The following NAV1 variants were observed in gnomAD, a reference collection of about 807,000 sequenced individuals.
The protein encoded by NAV1 is neuron navigator 1, also known as pore membrane and/or filament interacting like protein 3.
A neutral mutation model predicts 175.2 loss-of-function variants in NAV1; 18 were observed. The ratio of observed to expected loss-of-function variants is 0.10; its 90% CI spans 0.07 to 0.15. The LOEUF (loss-of-function observed/expected upper bound fraction) is 0.15. NAV1 is among the 10% of genes least tolerant of loss of function. NAV1 has a pLI of 1.00. For synonymous variants in NAV1, 897 were observed against 978.7 expected, an observed-to-expected ratio of 0.92 and a Z score of 1.56; for missense variants, 1,731 against 2,436.6, an observed-to-expected ratio of 0.71 and a Z score of 6.10.
chr1:201,813,295 G>A lies in NAV1; in HGVS notation c.5340+37G>A. 7.5e-7 allele frequency: 1 copy of A among 1,338,988 alleles called. No homozygotes were observed. Among genetic ancestry groups the A allele is most frequent in the Non-Finnish European group, 1.1e-6 (1 of 936,028 alleles). 82.9% of individuals were successfully genotyped at this position (1,338,988 alleles called of 1,614,324 possible). On this transcript the variant is annotated intron_variant, in intron 28 of 29. Coordinates refer to ENST00000367296, the Ensembl canonical transcript of NAV1. The surrounding 1 kb of genome is among the most constrained non-coding windows in gnomAD (Gnocchi z 4.2). ...CCCCTTCACTCAAACCCTAAGATCA[G>A]GCTGTCCTACCTAACAAAGTAGGAA... is the stretch of plus-strand genomic sequence containing the variant.
intron 5 of NAV1, among the ~76,000 whole-genome samples, chr1:201,781,524 G>T (rs951202247): frequency 2.6e-5 from 4 of 152,184 alleles, no homozygotes; most frequent in Admixed American, 6.5e-5. Context: ...AACTCAAAGA[G>T]ATTAAGTGGC....
At chr1:201,630,493 C>A (rs1302209546) in intron 2 of NAV1, among the ~76,000 whole-genome samples, 1 of 152,234 alleles carries the variant, frequency 6.6e-6, no homozygotes, top group Non-Finnish European at 1.5e-5. Context: ...CTTCTCTGTG[C>A]CCTGCTGGGC....
chr1:201,642,560 C>CTTTCTTTCTTTCTTT (rs1491393436), intron 2 of NAV1, among the ~76,000 whole-genome samples: 2 of 32,912 alleles, frequency 6.1e-5, no homozygotes, highest in South Asian at 1.6e-3. Context: ...TTTCTTTTTT[C>CTTTCTTTCTTTCTTT]CCTTTCTTCC....
At chr1:201,757,368 C>T (rs999583794) in intron 3 of NAV1, among the ~76,000 whole-genome samples, 5 of 152,070 alleles carry the variant, frequency 3.3e-5, no homozygotes, top group Non-Finnish European at 5.9e-5. Context: ...CTTCTGGGCT[C>T]AAGCTGTCTT....
At chr1:201,642,290 G>A (rs1668791659) in intron 2 of NAV1, among the ~76,000 whole-genome samples, 1 of 150,724 alleles carries the variant, frequency 6.6e-6, no homozygotes, top group African/African-American at 2.4e-5. Flanking sequence ...TCGGCTCACT[G>A]CAGGCTCCGC....
chr1:201,790,694 C>G (rs766084942), exon 13 of NAV1: 1 of 1,614,084 alleles, frequency 6.2e-7, no homozygotes, highest in Non-Finnish European at 8.5e-7. Flanking sequence ...TACAGCAAAT[C>G]CGGAAGCTTC....
intron 3 of NAV1, among the ~76,000 whole-genome samples, chr1:201,735,542 C>A (rs373316534): frequency 1.3e-5 from 2 of 152,198 alleles, no homozygotes; most frequent in Admixed American, 1.3e-4. Flanking sequence ...ACAGGCATTG[C>A]TAATGGTAAA....
chr1:201,704,521 A>G (rs1487247165), intron 1 of NAV1, among the ~76,000 whole-genome samples: 1 of 152,228 alleles, frequency 6.6e-6, no homozygotes. Flanking sequence ...GCTTTTCCTG[A>G]GAACAGACTT....
Position 201,809,923 on chromosome 1 carries a change from C to T in NAV1, c.4402-23C>T, listed in dbSNP as rs762744571. On this transcript the variant is annotated intron_variant, in intron 22 of 29. Transcript: ENST00000367296. ...ACCTGTGTTTGTATATTTTCTTCTT[C>T]TTCTGCCTGTCTTTTCTGTCAGGAC... The T allele has an allele frequency of 3.7e-6, 6 of 1,600,116 alleles. No individual in the cohort carries two copies. The South Asian group carries it at 6.7e-5, about 18-fold the overall frequency.
At chr1:201,647,888 T>A (rs1669027588), upstream of NAV1, among the ~76,000 whole-genome samples, 1 of 151,324 alleles carries the variant, frequency 6.6e-6, no homozygotes, top group African/African-American at 2.4e-5. Flanking sequence ...CCTCCACACC[T>A]CCTCAACAGA....
At position 201,812,856 on chromosome 1, in the gene NAV1, C is replaced by A. The variant is rs1281940400; in HGVS notation, c.5221+195C>A. ...ACCACTTCAATCACCAGAAAGCTAA[C>A]CCCTCTCCTTGTTTTTTTCCCACAA... On this transcript the variant is annotated intron_variant, in intron 27 of 29. Transcript: ENST00000367296. The surrounding 1 kb of genome is among the most constrained non-coding windows in gnomAD (Gnocchi z 4.6). Among the ~76,000 whole-genome samples the A allele has an allele frequency of 1.3e-5, 2 of 152,180 alleles. No homozygotes were observed. Among genetic ancestry groups the A allele is most frequent in the African/African-American group, 4.8e-5 (2 of 41,442 alleles).
At chr1:201,664,905 C>T (rs557028268) in intron 1 of NAV1, among the ~76,000 whole-genome samples, 1 of 152,312 alleles carries the variant, frequency 6.6e-6, no homozygotes, top group South Asian at 2.1e-4. Flanking sequence ...TCTCTCCTTT[C>T]TGTGTCCTTG....
chr1:201,803,504 T>G lies in NAV1; in HGVS notation c.3518-89T>G. The G allele has an allele frequency of 2.1e-6, 3 of 1,433,264 alleles. No homozygotes were observed. In the South Asian group the frequency reaches 4.1e-5, roughly 19 times the overall value. 88.8% of individuals were successfully genotyped at this position (1,433,264 alleles called of 1,614,324 possible). ...GATTGAGGAGTTGGTTGGTTCTCCT[T>G]TCTCTTATCTTCTGCCACTAGACTT... On this transcript the variant is annotated intron_variant, in intron 15 of 29. Coordinates refer to ENST00000367296, the Ensembl canonical transcript of NAV1.
intron 2 of NAV1, among the ~76,000 whole-genome samples, chr1:201,605,045 C>T (rs1308798602): frequency 1.4e-5 from 2 of 147,192 alleles, no homozygotes; most frequent in Non-Finnish European, 3.1e-5. Flanking sequence ...ATTTGTTTTG[C>T]TTTGTTGTTT....
rs1025364674 is a variant in NAV1 at position 201,539,821 on chromosome 1, C to T, written c.-144+479C>T. The stretch of plus-strand genomic sequence containing the variant: ...ATCCCAGCAGGAGCCAGAGGAACAG[C>T]TGGGGCAGGTGACCTCGCGGGCCGT... On this transcript the variant is annotated intron_variant, in intron 1 of 33. Transcript: ENST00000685211. This position sits in a 1 kb window ranked among gnomAD's most constrained non-coding sequence, Gnocchi z 5.6. 6.6e-6 allele frequency among the ~76,000 whole-genome samples: 1 copy of T among 152,206 alleles called. No individual in the cohort carries two copies. The highest frequency in any genetic ancestry group is 1.5e-5 in the Non-Finnish European group (1 of 68,032).
intron 1 of NAV1, among the ~76,000 whole-genome samples, chr1:201,670,832 T>C (rs1277333747): frequency 6.6e-6 from 1 of 151,668 alleles, no homozygotes; most frequent in Non-Finnish European, 1.5e-5. Context: ...ATGCTGGTGA[T>C]GTTTTGGTAA....
chr1:201,756,105 C>CAA (rs768758177), intron 3 of NAV1, among the ~76,000 whole-genome samples: 752 of 56,606 alleles, frequency 0.013, 20 homozygotes, highest in African/African-American at 0.041. Flanking sequence ...AACTCTGTCT[C>CAA]AAAAAAAAAA....
At chr1:201,819,953 C>T in exon 30 of NAV1, 5 of 1,609,012 alleles carry the variant, frequency 3.1e-6, no homozygotes, top group East Asian at 2.2e-5. Flanking sequence ...ATCACTGTCA[C>T]CCCCGGACAG....
chr1:201,602,019 A>G (rs1667528592), intron 2 of NAV1, among the ~76,000 whole-genome samples: 1 of 152,140 alleles, frequency 6.6e-6, no homozygotes, highest in African/African-American at 2.4e-5. Flanking sequence ...TTCCGCAGGT[A>G]TATTTCCCAT....
Sources: gnomAD v4.1 joint callset for allele counts (sites outside exome capture counted in the v4.1 genomes callset) on GRCh38, gnomAD v4.1.1 for gene constraint, Gnocchi (gnomAD v3.1) non-coding constraint, MANE v1.5 for transcripts, NCBI Gene and HGNC (gene_info 2026-07-23, HGNC 2026-07-21) for gene names.